The following ASIC2 variants were observed in gnomAD, a reference collection of about 807,000 sequenced individuals.
The protein encoded by ASIC2 is acid-sensing ion channel 2.
In ASIC2, 25 loss-of-function variants were observed where a neutral mutation model predicts 57.3. The observed-to-expected ratio is 0.44, with a 90% CI of 0.32 to 0.61. The LOEUF (loss-of-function observed/expected upper bound fraction) is 0.61. Among genes scored for constraint, ASIC2 ranks in the 20% least tolerant of loss-of-function variants. ASIC2 has a pLI of 0.06. For synonymous variants in ASIC2, 319 were observed against 307.5 expected, an observed-to-expected ratio of 1.04 and a Z score of -0.39; for missense variants, 641 against 738.1, an observed-to-expected ratio of 0.87 and a Z score of 1.52.
intron 1 of ASIC2, among the ~76,000 whole-genome samples, chr17:33,137,376 G>A (rs2092370887): frequency 6.6e-6 from 1 of 152,206 alleles, no homozygotes. Flanking sequence ...TCTGAGATTG[G>A]ATCCCTCCAG....
At chr17:33,482,809 G>A (rs933074635) in intron 1 of ASIC2, among the ~76,000 whole-genome samples, 2 of 152,216 alleles carry the variant, frequency 1.3e-5, no homozygotes, top group Non-Finnish European at 1.5e-5. Context: ...CGACTTGCCA[G>A]CCTTCTCTCG....
intron 1 of ASIC2, among the ~76,000 whole-genome samples, chr17:33,278,758 T>TA (rs1005351147): frequency 3.4e-5 from 5 of 147,266 alleles, no homozygotes; most frequent in South Asian, 2.1e-4. Flanking sequence ...TCCACATATA[T>TA]TTTTTTTTTT....
At chr17:33,672,330 C>T (rs890798602) in intron 1 of ASIC2, among the ~76,000 whole-genome samples, 1 of 152,056 alleles carries the variant, frequency 6.6e-6, no homozygotes, top group Non-Finnish European at 1.5e-5. Context: ...ATTACCCACC[C>T]CCTCCCATAC....
chr17:33,613,369 CTTT>C (rs546720725), intron 1 of ASIC2, among the ~76,000 whole-genome samples: 2 of 126,816 alleles, frequency 1.6e-5, no homozygotes, highest in Non-Finnish European at 1.7e-5. Flanking sequence ...AATGTGTATT[CTTT>C]TTTTTTTTTT....
intron 1 of ASIC2, among the ~76,000 whole-genome samples, chr17:33,779,901 T>A (rs1911395474): frequency 6.6e-6 from 1 of 151,380 alleles, no homozygotes; most frequent in South Asian, 2.1e-4. Context: ...GTGAGTGAAT[T>A]GGACATTGTC....
At chr17:33,468,779 G>C (rs953348754) in intron 1 of ASIC2, among the ~76,000 whole-genome samples, 1 of 152,090 alleles carries the variant, frequency 6.6e-6, no homozygotes, top group African/African-American at 2.4e-5. Context: ...CACACAGCTG[G>C]TAAAAGTCAA....
chr17:33,460,345 G>A (rs1008112333), intron 1 of ASIC2, among the ~76,000 whole-genome samples: 26 of 152,178 alleles, frequency 1.7e-4, no homozygotes, highest in Non-Finnish European at 3.2e-4. Context: ...GCAGGAGCTG[G>A]TAGATGGCAT....
At chr17:33,663,539 AG>A (rs1907367085) in intron 1 of ASIC2, among the ~76,000 whole-genome samples, 1 of 151,778 alleles carries the variant, frequency 6.6e-6, no homozygotes, top group Non-Finnish European at 1.5e-5. Flanking sequence ...CTTACGTGTA[AG>A]GTGGCAGTAA....
chr17:33,203,072 C>G (rs1906937275), intron 1 of ASIC2, among the ~76,000 whole-genome samples: 1 of 152,218 alleles, frequency 6.6e-6, no homozygotes, highest in Admixed American at 6.5e-5. Context: ...AGAAAATTTG[C>G]ACGTGCTAAA....
At chr17:34,045,938 G>C (rs1908321065) in intron 1 of ASIC2, among the ~76,000 whole-genome samples, 1 of 152,186 alleles carries the variant, frequency 6.6e-6, no homozygotes, top group African/African-American at 2.4e-5. Context: ...CACCATGCCA[G>C]TTTAGAGTAT....
At chr17:33,579,457 T>C (rs1219202341) in intron 1 of ASIC2, among the ~76,000 whole-genome samples, 2 of 151,980 alleles carry the variant, frequency 1.3e-5, no homozygotes, top group Non-Finnish European at 2.9e-5. Context: ...ACCCATCCAG[T>C]TTATTCATTC....
intron 1 of ASIC2, among the ~76,000 whole-genome samples, chr17:33,489,926 C>T (rs372162780): frequency 6.5e-4 from 99 of 152,166 alleles, no homozygotes; most frequent in Non-Finnish European, 1.2e-3. Flanking sequence ...AATAAGAACG[C>T]GAGCCCACTT....
At chr17:33,696,303 A>G (rs1908526801) in intron 1 of ASIC2, among the ~76,000 whole-genome samples, 1 of 152,348 alleles carries the variant, frequency 6.6e-6, no homozygotes, top group African/African-American at 2.4e-5. Context: ...TGGAGGCCGT[A>G]TCTGAAATAC....
intron 1 of ASIC2, among the ~76,000 whole-genome samples, chr17:33,798,455 C>T (rs1226921218): frequency 6.6e-6 from 1 of 152,130 alleles, no homozygotes; most frequent in African/African-American, 2.4e-5. Context: ...TTTAAGAAAT[C>T]TTGATGGAAC....
intron 1 of ASIC2, among the ~76,000 whole-genome samples, chr17:33,949,433 C>G (rs2141984087): frequency 6.6e-6 from 1 of 152,252 alleles, no homozygotes; most frequent in South Asian, 2.1e-4. Flanking sequence ...AGAAGATACT[C>G]AATAGATTCT....
chr17:33,431,917 CT>C (rs1370090881), intron 1 of ASIC2, among the ~76,000 whole-genome samples: 2 of 152,074 alleles, frequency 1.3e-5, no homozygotes, highest in African/African-American at 4.8e-5. Context: ...TCCAAAATAA[CT>C]GAAAAGACAT....
At chr17:33,807,575 ACT>A (rs1912303720) in intron 1 of ASIC2, among the ~76,000 whole-genome samples, 1 of 151,642 alleles carries the variant, frequency 6.6e-6, no homozygotes, top group East Asian at 1.9e-4. Flanking sequence ...TTCCCTCTTT[ACT>A]CTCTTTCTTC....
intron 1 of ASIC2, among the ~76,000 whole-genome samples, chr17:33,433,776 CA>C (rs140605689): frequency 3.3e-5 from 5 of 151,694 alleles, no homozygotes; most frequent in Non-Finnish European, 7.4e-5. Context: ...AAAACAAAAA[CA>C]AAAAAACCCC....
chr17:33,409,453 C>T (rs1910579983), intron 1 of ASIC2, among the ~76,000 whole-genome samples: 1 of 152,142 alleles, frequency 6.6e-6, no homozygotes, highest in Admixed American at 6.5e-5. Flanking sequence ...CCAAGGGTAG[C>T]CCTACAATAA....
Sources: gnomAD v4.1 joint callset for allele counts (sites outside exome capture counted in the v4.1 genomes callset) on GRCh38, gnomAD v4.1.1 for gene constraint, MANE v1.5 for transcripts, NCBI Gene and HGNC (gene_info 2026-07-23, HGNC 2026-07-21) for gene names.